The following QPCT variants were observed in gnomAD, a reference collection of about 807,000 sequenced individuals.
The protein encoded by QPCT is EC.
Under a neutral mutation model 43.4 loss-of-function variants are expected in QPCT, and 44 were observed. The observed-to-expected ratio is 1.01, with a 90% CI of 0.80 to 1.30. The LOEUF (loss-of-function observed/expected upper bound fraction) is 1.30, where lower values mean the gene tolerates loss of function less well. Among genes scored for constraint, QPCT ranks in the 50% most tolerant of loss-of-function variants. The pLI is 0.00. For synonymous variants in QPCT, 168 were observed against 168.4 expected (o/e 1.00, Z 0.02); for missense variants, 526 against 436.5 (o/e 1.21, Z -1.83).
chr2:37,356,822 A>G (rs925528993), intron 2 of QPCT, among the ~76,000 whole-genome samples: 4 of 152,278 alleles, frequency 2.6e-5, no homozygotes, highest in Middle Eastern at 3.4e-3. Flanking sequence ...CCCGGCCAAC[A>G]TGGTGAAACT....
At chr2:37,346,069 C>G (rs1572725808) in intron 1 of QPCT, among the ~76,000 whole-genome samples, 1 of 152,154 alleles carries the variant, frequency 6.6e-6, no homozygotes, top group Admixed American at 6.5e-5. Context: ...TAGAGTATGC[C>G]TGTATTTACT....
chr2:37,364,597 A>G (rs1377983391), intron 3 of QPCT, among the ~76,000 whole-genome samples: 4 of 152,226 alleles, frequency 2.6e-5, no homozygotes, highest in Admixed American at 2.6e-4. Flanking sequence ...AGGCAGGACG[A>G]ACTGGATTGC....
At chr2:37,347,231 C>CATATATATATAACATATATAT (rs764663825) in intron 1 of QPCT, among the ~76,000 whole-genome samples, 2,080 of 54,460 alleles carry the variant, frequency 0.038, 86 homozygotes, top group East Asian at 0.054. Context: ...ATATATATAA[C>CATATATATATAACATATATAT]ATATATATAT....
At chr2:37,361,738 A>G (rs1452533639) in intron 3 of QPCT, among the ~76,000 whole-genome samples, 1 of 152,258 alleles carries the variant, frequency 6.6e-6, no homozygotes, top group East Asian at 1.9e-4. Context: ...AAGAAGATAC[A>G]TAATGGTATT....
intron 3 of QPCT, among the ~76,000 whole-genome samples, chr2:37,366,556 A>T (rs1294778445): frequency 6.6e-6 from 1 of 152,242 alleles, no homozygotes; most frequent in African/African-American, 2.4e-5. Flanking sequence ...AGATGTAAAT[A>T]AGGTGAGAAG....
At chr2:37,358,330 A>T (rs1363286512) in intron 2 of QPCT, among the ~76,000 whole-genome samples, 1 of 152,136 alleles carries the variant, frequency 6.6e-6, no homozygotes, top group Non-Finnish European at 1.5e-5. Flanking sequence ...CCAGCTACTC[A>T]GGATGTTGAG....
chr2:37,372,654 T>C, intron 6 of QPCT, 28 bp from the exon 7 acceptor site: 3 of 1,606,564 alleles, frequency 1.9e-6, no homozygotes, highest in Non-Finnish European at 2.6e-6. Flanking sequence ...GTAATGCACA[T>C]TGTTACAAGT....
At chr2:37,358,627 C>T (rs975380433) in intron 2 of QPCT, 1 of 152,206 alleles carries the variant, frequency 6.6e-6, no homozygotes, top group African/African-American at 2.4e-5. Context: ...AGTGATGCTA[C>T]TTTCTGCACC....
chr2:37,349,850 T>C (rs991209816), intron 1 of QPCT, among the ~76,000 whole-genome samples: 2 of 152,212 alleles, frequency 1.3e-5, no homozygotes, highest in Non-Finnish European at 2.9e-5. Flanking sequence ...CATGTTACTT[T>C]ATTATTATAT....
rs966395275 is a variant in QPCT at position 37,369,739 on chromosome 2, T to A, written c.778T>A (p.Phe260Ile). The change falls in exon 5 of 7, where the codon TTT becomes ATT. Residue 260 changes from phenylalanine to isoleucine, a missense_variant. Transcript: ENST00000338415. ...IGAPNPTFPN[F>I]FPNSARWFER... Reference sequence around the variant, plus strand: ...AGCTCCAAACCCAACGTTTCCCAATTTTTTTCCAAACTCAGCCAGGTGGTT... The same window carrying A: ...AGCTCCAAACCCAACGTTTCCCAATATTTTTCCAAACTCAGCCAGGTGGTT... The A allele has an allele frequency of 6.2e-7, 1 of 1,609,562 alleles. No individual in the cohort carries two copies.
intron 3 of QPCT, among the ~76,000 whole-genome samples, chr2:37,361,032 A>G (rs1346604618): frequency 6.6e-6 from 1 of 152,180 alleles, no homozygotes; most frequent in East Asian, 1.9e-4. Context: ...GTGACCAGAA[A>G]TATTAATAGA....
chr2:37,360,455 C>A (rs1324284769), intron 3 of QPCT, among the ~76,000 whole-genome samples: 1 of 152,140 alleles, frequency 6.6e-6, no homozygotes, highest in African/African-American at 2.4e-5. Flanking sequence ...TTATTTCAGT[C>A]TTGGTGTTCT....
At chr2:37,372,261 T>C in intron 5 of QPCT, 95 bp from the exon 6 acceptor site, 1 of 877,952 alleles carries the variant, frequency 1.1e-6, no homozygotes, top group Non-Finnish European at 1.9e-6. Context: ...TATGGACACA[T>C]GTGCTAAGAT....
rs2230299 is a variant in QPCT at position 37,352,794 on chromosome 2, C to T, written c.126C>T (p.Tyr42=). ...TGATTTCATTCAATCCTCAGAATTA[C>T]CACCAGCCAGCCATTTTGAATTCAT... The part of the protein sequence containing the change: ...SASAWPEEKN[Y]HQPAILNSSA... The change falls in exon 2 of 7, where the codon TAC becomes TAT. Residue 42 remains tyrosine, a synonymous_variant. Transcript: ENST00000338415. The T allele has an allele frequency of 0.097, 156,258 of 1,613,298 alleles. 19,126 individuals carry two copies. The highest frequency in any genetic ancestry group is 0.49 in the African/African-American group (36,972 of 74,906).
chr2:37,349,897 G>A (rs975881970), intron 1 of QPCT, among the ~76,000 whole-genome samples: 1 of 152,092 alleles, frequency 6.6e-6, no homozygotes, highest in African/African-American at 2.4e-5. Flanking sequence ...TAGAAAGATA[G>A]TTCATCTGTT....
At chr2:37,363,117 A>G (rs1455702155) in intron 3 of QPCT, among the ~76,000 whole-genome samples, 1 of 152,158 alleles carries the variant, frequency 6.6e-6, no homozygotes, top group African/African-American at 2.4e-5. Context: ...TCAGATAGGA[A>G]ACTGGAGGAT....
intron 4 of QPCT, among the ~76,000 whole-genome samples, chr2:37,368,879 C>T (rs1673017885): frequency 1.3e-5 from 2 of 152,046 alleles, no homozygotes; most frequent in African/African-American, 4.8e-5. Flanking sequence ...ATTAACCAAC[C>T]TTGTGAATAT....
rs145985159 is a variant in QPCT at position 37,373,239 on chromosome 2, CAT to C, written c.*413_*414del. The C allele has an allele frequency of 0.034, 5,126 of 152,718 alleles. 285 individuals carry two copies. The highest frequency in any genetic ancestry group is 0.12 in the African/African-American group (4,825 of 41,502). 9.5% of individuals were successfully genotyped at this position (152,718 alleles called of 1,614,324 possible). A position where few individuals can be genotyped will look rare whatever the true frequency, so the allele number is the denominator to read the frequency against. On this transcript the variant is annotated 3_prime_UTR_variant, in exon 7 of 7. Transcript: ENST00000338415. ...TCTATTACATGTAATACAAAACAAACATGTAGTTTGAAGGCGGTCAGATTTCT... is the reference window on the plus strand; with the variant it reads ...TCTATTACATGTAATACAAAACAAACGTAGTTTGAAGGCGGTCAGATTTCT...
At chr2:37,368,380 C>T (rs551804106) in intron 4 of QPCT, 1 of 191,392 alleles carries the variant, frequency 5.2e-6, no homozygotes. Flanking sequence ...CTTTCTGTCC[C>T]CACGTCTTCA....
Sources: gnomAD v4.1 joint callset for allele counts (sites outside exome capture counted in the v4.1 genomes callset) on GRCh38, gnomAD v4.1.1 for gene constraint, MANE v1.5 for transcripts, NCBI Gene and HGNC (gene_info 2026-07-23, HGNC 2026-07-21) for gene names.